FRMD4B: variants seen among roughly 807,000 people sequenced by gnomAD.
The protein encoded by FRMD4B is FERM domain-containing protein 4B.
Under a neutral mutation model 141.5 loss-of-function variants are expected in FRMD4B, and 74 were observed. The ratio of observed to expected loss-of-function variants is 0.52; its 90% confidence interval spans 0.43 to 0.63. The LOEUF (loss-of-function observed/expected upper bound fraction) is 0.63, where lower values mean the gene tolerates loss of function less well. Among genes scored for constraint, FRMD4B ranks in the 30% least tolerant of loss-of-function variants. FRMD4B has a pLI of 0.00. For synonymous variants in FRMD4B, 506 were observed against 467.9 expected (o/e 1.08, Z -1.05); for missense variants, 1,366 against 1,253.4 (o/e 1.09, Z -1.36).
At chr3:69,183,791 T>C (rs1292823687) in intron 19 of FRMD4B, among the ~76,000 whole-genome samples, 1 of 151,850 alleles carries the variant, frequency 6.6e-6, no homozygotes, top group Non-Finnish European at 1.5e-5. Context: ...CTGAAGTTAA[T>C]TTTTTTTAAC....
intron 5 of FRMD4B, among the ~76,000 whole-genome samples, chr3:69,280,741 C>T (rs1559775152): frequency 6.6e-6 from 1 of 152,094 alleles, no homozygotes; most frequent in Non-Finnish European, 1.5e-5. Flanking sequence ...CCACCTCAGC[C>T]TCCCAAGTAG....
chr3:69,479,432 T>C (rs966994822), intron 1 of FRMD4B, among the ~76,000 whole-genome samples: 1 of 152,146 alleles, frequency 6.6e-6, no homozygotes, highest in Non-Finnish European at 1.5e-5. Context: ...CATTTGCTTG[T>C]CTGTAAAGGA....
intron 1 of FRMD4B, among the ~76,000 whole-genome samples, chr3:69,358,608 C>T (rs546915991): frequency 5.9e-5 from 9 of 152,152 alleles, no homozygotes; most frequent in Non-Finnish European, 8.8e-5. Context: ...TGGTGGCATG[C>T]GCCTATAGTC....
chr3:69,537,179 T>C (rs528669732), intron 1 of FRMD4B, among the ~76,000 whole-genome samples: 1 of 152,292 alleles, frequency 6.6e-6, no homozygotes, highest in African/African-American at 2.4e-5. Flanking sequence ...TTAACCAGGA[T>C]TGACCCAGGG....
rs141059202 is a variant in FRMD4B at position 69,175,769 on chromosome 3, CTTTTTTTTTTT to C, written c.2984+744_2984+754del. 5.1e-3 allele frequency among the ~76,000 whole-genome samples: 447 copies of C among 88,096 alleles called. 2 individuals are homozygous for C. Among genetic ancestry groups the C allele is most frequent in the African/African-American group, 0.016 (434 of 26,592 alleles). 57.8% of individuals were successfully genotyped at this position (88,096 alleles called of 152,430 possible). A position where few individuals can be genotyped will look rare whatever the true frequency, so the allele number is the denominator to read the frequency against. On this transcript the variant is annotated intron_variant, in intron 22 of 22. Coordinates refer to ENST00000398540, the MANE Select transcript of FRMD4B (RefSeq NM_015123.3). Reference sequence around the variant, plus strand: ...GTTAGCAAACTTTTTCTTTTCTTCTCTTTTTTTTTTTTTTTTTTTTTTTGAGACGGAGATGG... The same window carrying C: ...GTTAGCAAACTTTTTCTTTTCTTCTCTTTTTTTTTTTTGAGACGGAGATGG...
chr3:69,287,072 G>A (rs1700712983), intron 5 of FRMD4B, among the ~76,000 whole-genome samples: 1 of 152,160 alleles, frequency 6.6e-6, no homozygotes, highest in African/African-American at 2.4e-5. Context: ...AAAAGTGCTG[G>A]GATTACAAGC....
rs138214405 is a variant in FRMD4B at position 69,296,062 on chromosome 3, A to G, written c.416+6281T>C. Among the ~76,000 whole-genome samples the G allele has an allele frequency of 6.5e-3, 996 of 152,154 alleles. 6 individuals are homozygous for G. Among genetic ancestry groups the G allele is most frequent in the Middle Eastern group, 0.014 (4 of 294 alleles). ...GAACTCCTGACCTTGTGATCCACCCATCTTGGCCTCCCAAAGTGCTGAGAT... is the reference window on the plus strand; with the variant it reads ...GAACTCCTGACCTTGTGATCCACCCGTCTTGGCCTCCCAAAGTGCTGAGAT... On this transcript the variant is annotated intron_variant, in intron 4 of 22. Transcript: ENST00000398540.
rs909112810 is a variant in FRMD4B, at chr3:69,171,592, C to T, written c.*269G>A. 3 of 334,720 alleles carry T rather than the reference C, an allele frequency of 9.0e-6. No individual in the cohort carries two copies. The highest frequency in any genetic ancestry group is 6.3e-5 in the African/African-American group (3 of 47,286). The allele number at this position is 334,720 out of a possible 1,614,324, so 20.7% of individuals were successfully genotyped here. A position where few individuals can be genotyped will look rare whatever the true frequency, so the allele number is the denominator to read the frequency against. On this transcript the variant is annotated 3_prime_UTR_variant, in exon 23 of 23. Transcript: ENST00000398540. ...GTGCTTGCTATTGATGAAGGCTTCACACTGAGTCCTCTCTTGGCAATACTT... is the reference window on the plus strand; with the variant it reads ...GTGCTTGCTATTGATGAAGGCTTCATACTGAGTCCTCTCTTGGCAATACTT...
At chr3:69,249,142 G>T (rs926674451) in intron 7 of FRMD4B, 84 bp downstream of exon 7, 6 of 838,786 alleles carry the variant, frequency 7.2e-6, no homozygotes, top group Non-Finnish European at 9.7e-6. Flanking sequence ...CTTTGATTTT[G>T]TATCCATTGT....
intron 1 of FRMD4B, among the ~76,000 whole-genome samples, chr3:69,540,660 T>TATACACACACAC (rs1241897477): frequency 3.9e-4 from 22 of 56,846 alleles, no homozygotes; most frequent in African/African-American, 2.2e-3. Context: ...TATATATATA[T>TATACACACACAC]ACACACACAC....
At chr3:69,331,604 C>A (rs1202124600) in intron 1 of FRMD4B, among the ~76,000 whole-genome samples, 1 of 152,120 alleles carries the variant, frequency 6.6e-6, no homozygotes, top group East Asian at 1.9e-4. Context: ...TACTGTGTGA[C>A]CTTGTATAGG....
chr3:69,450,297 AGG>A (rs1705474179), intron 1 of FRMD4B, among the ~76,000 whole-genome samples: 1 of 151,972 alleles, frequency 6.6e-6, no homozygotes, highest in Non-Finnish European at 1.5e-5. Context: ...CCCAGGCAGG[AGG>A]ATCACTTGAA....
rs914769005 is a variant in FRMD4B, at chr3:69,171,801, C to G, written c.*60G>C. 2.0e-6 allele frequency: 3 copies of G among 1,533,310 alleles called. No individual in the cohort carries two copies. The highest frequency in any genetic ancestry group is 2.3e-5 in the South Asian group (2 of 87,856). The allele number at this position is 1,533,310 out of a possible 1,614,324, so 95.0% of individuals were successfully genotyped here. ...CGAACATCCTCTCGGAAGACAAATACAATTTGCAAGGCACACTAGTGTGAG... is the reference window on the plus strand; with the variant it reads ...CGAACATCCTCTCGGAAGACAAATAGAATTTGCAAGGCACACTAGTGTGAG... On this transcript the variant is annotated 3_prime_UTR_variant, in exon 23 of 23. Transcript: ENST00000398540.
chr3:69,262,679 G>A (rs997972862), intron 5 of FRMD4B, among the ~76,000 whole-genome samples: 9 of 150,176 alleles, frequency 6.0e-5, no homozygotes, highest in Non-Finnish European at 1.2e-4. Flanking sequence ...GGCTGTTCTT[G>A]AACTCCCAGA....
At chr3:69,197,256 A>AAC (rs1205477608) in intron 12 of FRMD4B, among the ~76,000 whole-genome samples, 1 of 152,196 alleles carries the variant, frequency 6.6e-6, no homozygotes, top group Non-Finnish European at 1.5e-5. Context: ...CATGTTTAAA[A>AAC]ACACATACAC....
intron 3 of FRMD4B, among the ~76,000 whole-genome samples, chr3:69,309,729 GA>G (rs1228601631): frequency 6.6e-6 from 1 of 150,840 alleles, no homozygotes; most frequent in Non-Finnish European, 1.5e-5. Flanking sequence ...TTACAAGTGT[GA>G]ACTATCACAC....
intron 19 of FRMD4B, among the ~76,000 whole-genome samples, chr3:69,186,152 A>G (rs942181162): frequency 2.0e-5 from 3 of 152,162 alleles, no homozygotes; most frequent in African/African-American, 7.2e-5. Flanking sequence ...ATATTGCCAC[A>G]ACGATAGTGA....
intron 1 of FRMD4B, among the ~76,000 whole-genome samples, chr3:69,462,947 C>G (rs1281888394): frequency 6.6e-6 from 1 of 152,244 alleles, no homozygotes; most frequent in Non-Finnish European, 1.5e-5. Flanking sequence ...ATCTATGATG[C>G]ACTTCCTTGT....
At chr3:69,522,394 G>A (rs1700867163) in intron 1 of FRMD4B, among the ~76,000 whole-genome samples, 1 of 152,070 alleles carries the variant, frequency 6.6e-6, no homozygotes, top group Non-Finnish European at 1.5e-5. Flanking sequence ...GAGTTATTAT[G>A]GGCAAGCAGT....
Sources: allele counts gnomAD v4.1 joint callset (sites outside exome capture counted in the v4.1 genomes callset), GRCh38; gene constraint gnomAD v4.1.1; transcripts MANE v1.5; gene names NCBI Gene and HGNC (gene_info 2026-07-23, HGNC 2026-07-21).